Variants in IFT74 observed in about 807,000 individuals in gnomAD.
IFT74 encodes the protein intraflagellar transport protein 74 homolog.
IFT74 carries 92 observed loss-of-function variants against 96.7 expected under a neutral mutation model. The observed-to-expected ratio is 0.95, with a 90% confidence interval of 0.80 to 1.13. IFT74 has a LOEUF of 1.13. Ranked by LOEUF, IFT74 falls within the 50% of genes most tolerant of loss-of-function variation. The pLI, the probability that IFT74 is intolerant of heterozygous loss-of-function variation, is 0.00. For synonymous variants in IFT74, 223 were observed against 213.2 expected, an observed-to-expected ratio of 1.05 and a Z score of -0.40; for missense variants, 811 against 698.2, an observed-to-expected ratio of 1.16 and a Z score of -1.82.
chr9:27,053,580 G>A (rs999520850), intron 16 of IFT74, among the ~76,000 whole-genome samples: 3 of 152,056 alleles, frequency 2.0e-5, no homozygotes, highest in Non-Finnish European at 4.4e-5. Context: ...GCAACTTCAC[G>A]GCATATCAGA....
intron 9 of IFT74, among the ~76,000 whole-genome samples, chr9:27,010,196 A>G (rs1342905527): frequency 6.6e-6 from 1 of 151,668 alleles, no homozygotes; most frequent in African/African-American, 2.4e-5. Context: ...TCACCGTGTT[A>G]GTCAGGATGG....
rs1587240388 is a variant in IFT74, at chr9:26,963,287, C to T, written c.120+1200C>T. 2.6e-5 allele frequency among the ~76,000 whole-genome samples: 4 copies of T among 152,146 alleles called. No homozygotes were observed. In the Middle Eastern group the frequency reaches 0.014, roughly 521 times the overall value. ...TCCATGTCCCTACAAAGGACATGAA[C>T]TCATCATTTTTTATGATTGCATGGT... On this transcript the variant is annotated intron_variant, in intron 2 of 19. Coordinates refer to ENST00000380062, the MANE Select transcript of IFT74 (RefSeq NM_025103.4).
intron 3 of IFT74, among the ~76,000 whole-genome samples, 187 bp from the exon 4 acceptor site, chr9:26,980,384 A>C (rs1282717639): frequency 1.3e-5 from 2 of 152,128 alleles, no homozygotes; most frequent in African/African-American, 4.8e-5. Flanking sequence ...TTTTAATTGA[A>C]GCTTCCCTTA....
chr9:26,981,271 G>C (rs895807813), intron 4 of IFT74, among the ~76,000 whole-genome samples: 3 of 151,936 alleles, frequency 2.0e-5, no homozygotes, highest in Admixed American at 1.3e-4. Context: ...TTTAGAGACA[G>C]AGTCTCACTC....
At chr9:27,040,544 CAAAAA>C (rs751893169) in intron 13 of IFT74, among the ~76,000 whole-genome samples, 1,650 of 62,068 alleles carry the variant, frequency 0.027, 39 homozygotes, top group African/African-American at 0.087. Context: ...GACACTGTCT[CAAAAA>C]AAAAAAAAAA....
intron 13 of IFT74, among the ~76,000 whole-genome samples, chr9:27,029,533 A>C (rs1406591349): frequency 6.6e-6 from 1 of 151,882 alleles, no homozygotes; most frequent in African/African-American, 2.4e-5. Flanking sequence ...AGATCATCGG[A>C]GGTCGGGAGT....
chr9:26,977,477 C>G (rs1463885090), intron 2 of IFT74, among the ~76,000 whole-genome samples: 1 of 152,060 alleles, frequency 6.6e-6, no homozygotes, highest in Non-Finnish European at 1.5e-5. Flanking sequence ...TGTAAACTGC[C>G]TTTTAATTTT....
At chr9:26,996,634 C>T (rs1828174430) in intron 8 of IFT74, 1 of 509,592 alleles carries the variant, frequency 2.0e-6, no homozygotes, top group Non-Finnish European at 3.2e-6. Flanking sequence ...TTGTATTTGT[C>T]TAGCAACATA....
chr9:26,998,235 G>T, intron 8 of IFT74: 1 of 1,432,174 alleles, frequency 7.0e-7, no homozygotes, highest in South Asian at 1.5e-5. Flanking sequence ...AAATTACATT[G>T]GACTTCCTAG....
chr9:26,995,967 G>T, intron 8 of IFT74: 1 of 756,694 alleles, frequency 1.3e-6, no homozygotes, highest in South Asian at 2.6e-5. Flanking sequence ...ATACATTGTA[G>T]TTTTCTTTAG....
chr9:26,953,252 C>T (rs1825988814), upstream of IFT74, among the ~76,000 whole-genome samples: 1 of 152,132 alleles, frequency 6.6e-6, no homozygotes, highest in South Asian at 2.1e-4. Flanking sequence ...TCTGGGGTTC[C>T]TAGTCAGCCT....
intron 4 of IFT74, among the ~76,000 whole-genome samples, chr9:26,983,459 A>T (rs1228175690): frequency 6.6e-6 from 1 of 152,140 alleles, no homozygotes; most frequent in Non-Finnish European, 1.5e-5. Context: ...TCTGGTTGTC[A>T]CAAGTGAGGT....
intron 16 of IFT74, among the ~76,000 whole-genome samples, chr9:27,053,591 A>G (rs182765327): frequency 6.6e-6 from 1 of 152,306 alleles, no homozygotes; most frequent in Non-Finnish European, 1.5e-5. Context: ...GCATATCAGA[A>G]GGAACTAGAC....
intron 8 of IFT74, chr9:26,994,731 C>A (rs1828055896): frequency 6.6e-6 from 1 of 152,474 alleles, no homozygotes; most frequent in South Asian, 2.1e-4. Context: ...AATAGCTGTC[C>A]ATGGACCACA....
intron 12 of IFT74, among the ~76,000 whole-genome samples, chr9:27,024,363 A>G (rs1304511659): frequency 6.6e-6 from 1 of 152,232 alleles, no homozygotes; most frequent in Non-Finnish European, 1.5e-5. Flanking sequence ...CCTCCCAAGT[A>G]CAAGCCCAGA....
intron 2 of IFT74, among the ~76,000 whole-genome samples, chr9:26,976,329 C>T (rs1455081104): frequency 2.6e-5 from 4 of 152,208 alleles, no homozygotes; most frequent in Non-Finnish European, 5.9e-5. Flanking sequence ...CAAAGGATTT[C>T]TCAGCAAAGC....
chr9:26,969,324 A>C (rs76359919), intron 2 of IFT74, among the ~76,000 whole-genome samples: 6,083 of 152,018 alleles, frequency 0.04, 202 homozygotes, highest in South Asian at 0.13. Flanking sequence ...ATTATTATGT[A>C]ATTATCTTCT....
intron 15 of IFT74, among the ~76,000 whole-genome samples, chr9:27,047,671 C>G (rs1448262007): frequency 6.6e-6 from 1 of 152,096 alleles, no homozygotes; most frequent in Non-Finnish European, 1.5e-5. Context: ...TCTATCTGAA[C>G]TTTTGAAAGT....
chr9:26,981,753 C>G (rs1241258751), intron 4 of IFT74, among the ~76,000 whole-genome samples: 1 of 150,384 alleles, frequency 6.6e-6, no homozygotes, highest in Non-Finnish European at 1.5e-5. Context: ...CTTTTTTCAT[C>G]TAATGATAAG....
Sources: allele counts gnomAD v4.1 joint callset (sites outside exome capture counted in the v4.1 genomes callset), GRCh38; gene constraint gnomAD v4.1.1; transcripts MANE v1.5; gene names NCBI Gene and HGNC (gene_info 2026-07-23, HGNC 2026-07-21).